The following DPY19L2 variants were observed in gnomAD, a reference collection of about 807,000 sequenced individuals.
The protein encoded by DPY19L2 is probable C-mannosyltransferase DPY19L2.
Under a neutral mutation model 97.9 loss-of-function variants are expected in DPY19L2, and 34 were observed. The ratio of observed to expected loss-of-function variants is 0.35; its 90% confidence interval spans 0.26 to 0.46. DPY19L2 has a LOEUF of 0.46. DPY19L2 is among the 20% of genes least tolerant of loss of function. DPY19L2 has a pLI of 1.00. For missense variants in DPY19L2, 623 were observed against 911.4 expected (o/e 0.68, Z 4.07); for synonymous variants, 230 against 307.9 (o/e 0.75, Z 2.65).
At chr12:63,660,189 A>G (rs1895490042) in intron 4 of DPY19L2, among the ~76,000 whole-genome samples, 1 of 152,138 alleles carries the variant, frequency 6.6e-6, no homozygotes, top group South Asian at 2.1e-4. Flanking sequence ...TATCCTAGAC[A>G]AAATATTGCA....
At chr12:63,639,173 C>A (rs1892266984) in intron 6 of DPY19L2, among the ~76,000 whole-genome samples, 2 of 152,134 alleles carry the variant, frequency 1.3e-5, no homozygotes, top group African/African-American at 4.8e-5. Flanking sequence ...GAAACTGAAT[C>A]CCTTTCTTAC....
At chr12:63,634,561 G>A (rs1427027237) in intron 6 of DPY19L2, among the ~76,000 whole-genome samples, 1 of 152,124 alleles carries the variant, frequency 6.6e-6, no homozygotes, top group African/African-American at 2.4e-5. Flanking sequence ...ACAGTACCTG[G>A]AAAATCCGGA....
chr12:63,645,115 C>T (rs1256852552), intron 5 of DPY19L2, among the ~76,000 whole-genome samples: 2 of 151,848 alleles, frequency 1.3e-5, no homozygotes, highest in Non-Finnish European at 2.9e-5. Context: ...GCAATATGTA[C>T]TTAACAATCA....
At chr12:63,612,612 A>AAAG (rs1413762190) in intron 11 of DPY19L2, among the ~76,000 whole-genome samples, 1 of 151,084 alleles carries the variant, frequency 6.6e-6, no homozygotes, top group Non-Finnish European at 1.5e-5. Context: ...TTAAAAAAAA[A>AAAG]AAAAAGGACT....
In DPY19L2 at chr12:63,583,727, C is replaced by T. The variant is rs933346844; in HGVS notation, c.1605+85G>A. 9 of 1,386,288 alleles carry T rather than the reference C, an allele frequency of 6.5e-6. No homozygotes were observed. The African/African-American group carries it at 1.2e-4, about 18-fold the overall frequency. 85.9% of individuals were successfully genotyped at this position (1,386,288 alleles called of 1,614,324 possible). ...GAACAACTCACTACTGAAGGTGCAT[C>T]AGCAGCAAGGTTATACCTTTGTCAA... On this transcript the variant is annotated intron_variant, in intron 17 of 21. Coordinates refer to ENST00000324472, the MANE Select transcript of DPY19L2 (RefSeq NM_173812.5).
chr12:63,597,423 G>A (rs1884432438), intron 14 of DPY19L2, among the ~76,000 whole-genome samples: 1 of 151,430 alleles, frequency 6.6e-6, no homozygotes, highest in Admixed American at 6.6e-5. Context: ...ATAATATTTG[G>A]GGTGTTAACT....
chr12:63,570,609 A>AT (rs370041398), intron 20 of DPY19L2, 149 bp downstream of exon 20: 391 of 837,178 alleles, frequency 4.7e-4, no homozygotes, highest in African/African-American at 2.2e-3. Flanking sequence ...GGTTATTGTC[A>AT]TTTTTTTTTA....
intron 6 of DPY19L2, among the ~76,000 whole-genome samples, chr12:63,627,964 C>T (rs1889858883): frequency 6.6e-6 from 1 of 152,096 alleles, no homozygotes; most frequent in Non-Finnish European, 1.5e-5. Context: ...TCAGAAAATA[C>T]AAAGGATGAA....
intron 19 of DPY19L2, among the ~76,000 whole-genome samples, chr12:63,577,711 C>A (rs1004247263): frequency 2.6e-5 from 4 of 152,022 alleles, no homozygotes; most frequent in Admixed American, 2.6e-4. Context: ...AAATGCAAAT[C>A]AAAACTACAG....
chr12:63,596,086 A>G, intron 14 of DPY19L2, 49 bp from the exon 15 acceptor site: 3 of 1,528,558 alleles, frequency 2.0e-6, no homozygotes, highest in Non-Finnish European at 1.8e-6. Flanking sequence ...TTTTTACATT[A>G]AATTAGTAAA....
In DPY19L2 at chr12:63,661,400, G is replaced by A. The variant is rs1895656648; in HGVS notation, c.532C>T (p.Leu178Phe). 3 of 1,603,510 alleles carry A rather than the reference G, an allele frequency of 1.9e-6. No homozygotes were observed. In the East Asian group the frequency reaches 6.8e-5, roughly 36 times the overall value. Residue 178 changes from leucine to phenylalanine, a missense_variant, in exon 4 of 22, where the codon CTT becomes TTT. This residue lies in a region of DPY19L2 where 84 missense variants were observed against 125.4 expected (regional missense o/e 0.67). Transcript: ENST00000324472. ...EGLWMIMNDRLTEYPLIINAI... is the reference protein window; with the variant it reads ...EGLWMIMNDRFTEYPLIINAI... ...TTAATTATAAGAGGATATTCAGTAA[G>A]CCTGTCATTCATAATCATCCACAGT...
At position 63,612,142 on chromosome 12, in the gene DPY19L2, T is replaced by C. The variant is rs1356726538; in HGVS notation, c.1219-3467A>G. 6.6e-5 allele frequency among the ~76,000 whole-genome samples: 10 copies of C among 152,020 alleles called. 1 individual carries two copies. The East Asian group carries it at 1.9e-3, about 29-fold the overall frequency. ...AGTCAAGCAGCATCTTTTAAATTCT[T>C]AAATAAAAGGGCTGTTAACCTGCAA... On this transcript the variant is annotated intron_variant, in intron 11 of 21. Transcript: ENST00000324472.
At chr12:63,666,118 T>G (rs1896306123) in intron 1 of DPY19L2, among the ~76,000 whole-genome samples, 1 of 152,064 alleles carries the variant, frequency 6.6e-6, no homozygotes, top group Non-Finnish European at 1.5e-5. Context: ...AGGTAATTGG[T>G]AAGAGTGATG....
At chr12:63,638,596 C>T (rs929848112) in intron 6 of DPY19L2, among the ~76,000 whole-genome samples, 28 of 152,132 alleles carry the variant, frequency 1.8e-4, no homozygotes, top group Non-Finnish European at 2.6e-4. Context: ...CATGAGTGAA[C>T]TCCCATTCAC....
At chr12:63,637,983 A>C (rs1892036984) in intron 6 of DPY19L2, among the ~76,000 whole-genome samples, 1 of 152,212 alleles carries the variant, frequency 6.6e-6, no homozygotes, top group Non-Finnish European at 1.5e-5. Flanking sequence ...AACCGAATCC[A>C]GCAGCACATC....
intron 6 of DPY19L2, among the ~76,000 whole-genome samples, chr12:63,643,915 C>T (rs1371721819): frequency 6.6e-6 from 1 of 152,118 alleles, no homozygotes; most frequent in Non-Finnish European, 1.5e-5. Context: ...AACACACGAC[C>T]GTTGAAATTA....
chr12:63,632,863 T>A (rs1438657813), intron 6 of DPY19L2, among the ~76,000 whole-genome samples: 2 of 151,866 alleles, frequency 1.3e-5, no homozygotes, highest in Admixed American at 6.6e-5. Context: ...GTACCAAAAC[T>A]GAGATATAGA....
Position 63,661,328 on chromosome 12 carries a change from T to A in DPY19L2, c.588+16A>T, listed in dbSNP as rs753353378. ...GATCACTCTACAAATATTATTTGTC[T>A]CAAATTATGACTCACCTCTGGATAA... is the stretch of plus-strand genomic sequence containing the variant. On this transcript the variant is annotated intron_variant, in intron 4 of 21. Coordinates refer to ENST00000324472, the MANE Select transcript of DPY19L2 (RefSeq NM_173812.5). 1 of 1,558,948 alleles carries A rather than the reference T, an allele frequency of 6.4e-7. No individual in the cohort carries two copies.
chr12:63,623,116 A>T (rs1413392946), intron 8 of DPY19L2, among the ~76,000 whole-genome samples: 2 of 151,812 alleles, frequency 1.3e-5, no homozygotes, highest in Admixed American at 1.3e-4. Flanking sequence ...TCTCATTAGT[A>T]TTCTATCAAA....
Sources: gnomAD v4.1 joint callset for allele counts (sites outside exome capture counted in the v4.1 genomes callset) on GRCh38, gnomAD v4.1.1 for gene constraint, gnomAD v4.1.1 regional missense constraint, MANE v1.5 for transcripts, NCBI Gene and HGNC (gene_info 2026-07-23, HGNC 2026-07-21) for gene names.